The following MYO3A variants were observed in gnomAD, a reference collection of about 807,000 sequenced individuals.
MYO3A encodes myosin-IIIa.
A neutral mutation model predicts 192.7 loss-of-function variants in MYO3A; 180 were observed. That is an observed-to-expected ratio of 0.93 (90% CI 0.83 to 1.06). The LOEUF (loss-of-function observed/expected upper bound fraction) is 1.06, where lower values mean the gene tolerates loss of function less well. Ranked by LOEUF, MYO3A falls within the 50% of genes least tolerant of loss-of-function variation. The probability of loss-of-function intolerance (pLI) is 0.00; values close to 1 mark genes in which losing one functional copy is unlikely to be tolerated. For missense variants in MYO3A, 1,896 were observed against 1,905.0 expected (o/e 1.00, Z 0.09); for synonymous variants, 628 against 645.3 (o/e 0.97, Z 0.41).
chr10:26,042,340 C>T (rs1329913450), intron 10 of MYO3A, among the ~76,000 whole-genome samples: 1 of 152,088 alleles, frequency 6.6e-6, no homozygotes, highest in Non-Finnish European at 1.5e-5. Context: ...TAACCTTCTT[C>T]TTCTTGGACA....
chr10:25,939,344 TC>T (rs1485565739), intron 2 of MYO3A, among the ~76,000 whole-genome samples: 1 of 151,948 alleles, frequency 6.6e-6, no homozygotes, highest in African/African-American at 2.4e-5. Flanking sequence ...AATCTTTTTT[TC>T]CTGTAATGTT....
chr10:25,983,431 G>T (rs1456384409), intron 4 of MYO3A, among the ~76,000 whole-genome samples: 2 of 151,618 alleles, frequency 1.3e-5, no homozygotes, highest in African/African-American at 4.8e-5. Context: ...AATTTTTTTT[G>T]TATTTTTAAT....
intron 4 of MYO3A, among the ~76,000 whole-genome samples, chr10:25,964,952 A>G (rs1426623097): frequency 6.6e-6 from 1 of 152,122 alleles, no homozygotes; most frequent in African/African-American, 2.4e-5. Context: ...TAAGGTTTCC[A>G]CTGAAAAGTT....
intron 2 of MYO3A, among the ~76,000 whole-genome samples, chr10:25,939,561 A>C (rs1001882838): frequency 2.6e-5 from 4 of 151,704 alleles, no homozygotes; most frequent in Admixed American, 2.6e-4. Context: ...TTACTCTTTG[A>C]CTTTTAAATT....
intron 3 of MYO3A, among the ~76,000 whole-genome samples, chr10:25,953,685 G>A (rs1024818312): frequency 6.6e-6 from 1 of 151,982 alleles, no homozygotes; most frequent in Non-Finnish European, 1.5e-5. Flanking sequence ...TCCATGTAAC[G>A]ACTATTCTTT....
chr10:26,212,008 G>C lies in MYO3A; in HGVS notation c.*45G>C. On this transcript the variant is annotated 3_prime_UTR_variant, in exon 35 of 35. Coordinates refer to ENST00000642920, the MANE Select transcript of MYO3A (RefSeq NM_017433.5). ...CCGCCGTCGGAAGGCGCTGGAGCCT[G>C]CGGGGCAGCAGGGGCCAAGCAGGCA... is the stretch of plus-strand genomic sequence containing the variant. The C allele has an allele frequency of 6.3e-7, 1 of 1,599,454 alleles. No homozygotes were observed. The highest frequency in any genetic ancestry group is 8.5e-7 in the Non-Finnish European group (1 of 1,170,164).
At chr10:26,103,364 A>G (rs1837596149) in intron 17 of MYO3A, among the ~76,000 whole-genome samples, 1 of 152,144 alleles carries the variant, frequency 6.6e-6, no homozygotes, top group South Asian at 2.1e-4. Context: ...GCTCTGCTTC[A>G]GCTCACACTC....
chr10:26,212,005 C>G lies in MYO3A; in HGVS notation c.*42C>G. On this transcript the variant is annotated 3_prime_UTR_variant, in exon 35 of 35. Transcript: ENST00000642920. ...TCACCGCCGTCGGAAGGCGCTGGAGCCTGCGGGGCAGCAGGGGCCAAGCAG... is the reference window on the plus strand; with the variant it reads ...TCACCGCCGTCGGAAGGCGCTGGAGGCTGCGGGGCAGCAGGGGCCAAGCAG... 1.9e-6 allele frequency: 3 copies of G among 1,600,006 alleles called. No homozygotes were observed. The highest frequency in any genetic ancestry group is 2.6e-6 in the Non-Finnish European group (3 of 1,170,414).
intron 17 of MYO3A, among the ~76,000 whole-genome samples, chr10:26,119,475 GTTGT>G (rs1006195788): frequency 3.3e-5 from 5 of 152,064 alleles, no homozygotes; most frequent in African/African-American, 9.7e-5. Flanking sequence ...AAATATATTT[GTTGT>G]TTATGTATTT....
chr10:26,020,917 T>C (rs1463558189), intron 7 of MYO3A, among the ~76,000 whole-genome samples: 3 of 152,248 alleles, frequency 2.0e-5, no homozygotes, highest in Non-Finnish European at 4.4e-5. Flanking sequence ...CCAGATAGGC[T>C]GTTGGTAAAA....
chr10:25,990,279 T>TTTGTAATACTTAC (rs1839930160), intron 4 of MYO3A, among the ~76,000 whole-genome samples: 1 of 152,092 alleles, frequency 6.6e-6, no homozygotes, highest in Non-Finnish European at 1.5e-5. Context: ...TAAGATATTA[T>TTTGTAATACTTAC]TTGTAATACT....
At chr10:26,203,988 G>A (rs1843793906) in intron 34 of MYO3A, 1 of 152,242 alleles carries the variant, frequency 6.6e-6, no homozygotes, top group African/African-American at 2.4e-5. Flanking sequence ...TCACCATGTT[G>A]TTGTAGAGAC....
chr10:26,199,480 G>A (rs1042105100), intron 32 of MYO3A, among the ~76,000 whole-genome samples: 2 of 152,138 alleles, frequency 1.3e-5, no homozygotes, highest in African/African-American at 4.8e-5. Flanking sequence ...TAAGGTGGGA[G>A]GATCACTTGA....
At chr10:26,166,252 T>C (rs1444384038) in intron 27 of MYO3A, 74 bp downstream of exon 27, 2 of 1,250,892 alleles carry the variant, frequency 1.6e-6, no homozygotes, top group South Asian at 1.2e-5. Context: ...CATTTTACAA[T>C]GTTTGAAAGT....
intron 4 of MYO3A, among the ~76,000 whole-genome samples, chr10:25,980,320 C>G (rs1839247117): frequency 6.6e-6 from 1 of 151,222 alleles, no homozygotes; most frequent in Non-Finnish European, 1.5e-5. Context: ...ATAAGAACAA[C>G]AAAAAACCCT....
At chr10:26,151,545 A>G (rs1399004867) in intron 23 of MYO3A, among the ~76,000 whole-genome samples, 3 of 151,856 alleles carry the variant, frequency 2.0e-5, no homozygotes, top group African/African-American at 7.3e-5. Context: ...ATTTCAACTT[A>G]TTGTTTTTCT....
chr10:25,936,784 A>C (rs182029538), intron 2 of MYO3A, among the ~76,000 whole-genome samples: 1 of 152,292 alleles, frequency 6.6e-6, no homozygotes, highest in East Asian at 1.9e-4. Flanking sequence ...CTTTTATGAA[A>C]ATATGGGTTA....
At chr10:26,036,786 A>G (rs1482079472) in intron 10 of MYO3A, among the ~76,000 whole-genome samples, 1 of 152,194 alleles carries the variant, frequency 6.6e-6, no homozygotes, top group Non-Finnish European at 1.5e-5. Context: ...CCTGCTATGC[A>G]TCTTGATTCC....
intron 2 of MYO3A, among the ~76,000 whole-genome samples, chr10:25,946,115 A>C (rs944658854): frequency 3.9e-5 from 6 of 152,218 alleles, no homozygotes; most frequent in African/African-American, 7.2e-5. Context: ...AGATAAAAAA[A>C]GTGGCATTAA....
Sources: allele counts gnomAD v4.1 joint callset (sites outside exome capture counted in the v4.1 genomes callset), GRCh38; gene constraint gnomAD v4.1.1; transcripts MANE v1.5; gene names NCBI Gene and HGNC (gene_info 2026-07-23, HGNC 2026-07-21).